TAOK1: variants seen among roughly 807,000 people sequenced by gnomAD.
TAOK1 encodes TAO kinase 1.
TAOK1 carries 21 observed loss-of-function variants against 138.3 expected under a neutral mutation model. The ratio of observed to expected loss-of-function variants is 0.15; its 90% CI spans 0.11 to 0.22. TAOK1 has a LOEUF of 0.22. Ranked by LOEUF, TAOK1 falls within the 10% of genes least tolerant of loss-of-function variation. TAOK1 has a pLI of 1.00. For missense variants in TAOK1, 651 were observed against 1,227.7 expected (o/e 0.53, Z 7.02); for synonymous variants, 361 against 398.4 (o/e 0.91, Z 1.12).
intron 8 of TAOK1, among the ~76,000 whole-genome samples, chr17:29,485,570 T>G (rs1481296481): frequency 1.3e-5 from 2 of 152,172 alleles, no homozygotes; most frequent in Non-Finnish European, 2.9e-5. Context: ...GCCCAGGAGT[T>G]TGAGGCTGCA....
intron 11 of TAOK1, among the ~76,000 whole-genome samples, chr17:29,497,376 A>G (rs1452848826): frequency 6.6e-6 from 1 of 152,196 alleles, no homozygotes; most frequent in East Asian, 1.9e-4. Context: ...CAGATATGTG[A>G]AATACTTTAA....
chr17:29,485,396 G>A (rs1043783682), intron 8 of TAOK1, among the ~76,000 whole-genome samples: 1 of 152,090 alleles, frequency 6.6e-6, no homozygotes. Context: ...TAGCACTTTG[G>A]GAGGCCAAGG....
chr17:29,466,559 A>G (rs1245646276), intron 2 of TAOK1, among the ~76,000 whole-genome samples: 1 of 152,162 alleles, frequency 6.6e-6, no homozygotes, highest in Non-Finnish European at 1.5e-5. Flanking sequence ...CTAACTTTCA[A>G]TTTTGTACTC....
At chr17:29,529,861 CAAA>C (rs35675934) in intron 17 of TAOK1, among the ~76,000 whole-genome samples, 3 of 125,942 alleles carry the variant, frequency 2.4e-5, no homozygotes, top group Non-Finnish European at 5.1e-5. Flanking sequence ...AGCGAGATTC[CAAA>C]AAAAAAAAAA....
intron 1 of TAOK1, among the ~76,000 whole-genome samples, chr17:29,448,657 C>G (rs1175583218): frequency 2.0e-5 from 3 of 152,152 alleles, no homozygotes; most frequent in Middle Eastern, 3.2e-3. Context: ...TGCATTTTCT[C>G]TGTTCTTAAC....
intron 1 of TAOK1, among the ~76,000 whole-genome samples, chr17:29,436,056 G>A (rs972324732): frequency 6.6e-6 from 1 of 152,192 alleles, no homozygotes; most frequent in Non-Finnish European, 1.5e-5. Flanking sequence ...GTTGAACCCG[G>A]GAGGCAGAGG....
At chr17:29,524,559 A>G (rs1187002593) in intron 17 of TAOK1, among the ~76,000 whole-genome samples, 1 of 152,264 alleles carries the variant, frequency 6.6e-6, no homozygotes, top group African/African-American at 2.4e-5. Context: ...ATTTCTGATT[A>G]CAAGTGAGCT....
chr17:29,503,742 A>G (rs1402874307), intron 13 of TAOK1, among the ~76,000 whole-genome samples: 1 of 152,202 alleles, frequency 6.6e-6, no homozygotes, highest in Non-Finnish European at 1.5e-5. Context: ...TGGGAGGCTG[A>G]GGTGGGCGGA....
At chr17:29,438,303 CTGT>C (rs2153023192) in intron 1 of TAOK1, among the ~76,000 whole-genome samples, 1 of 151,320 alleles carries the variant, frequency 6.6e-6, no homozygotes, top group East Asian at 1.9e-4. Flanking sequence ...TTTTCTTTTT[CTGT>C]TGTTTACTAT....
intron 1 of TAOK1, among the ~76,000 whole-genome samples, chr17:29,419,155 C>T (rs535866405): frequency 2.0e-5 from 3 of 151,896 alleles, no homozygotes; most frequent in South Asian, 2.1e-4. Context: ...GCATACAAAT[C>T]GTGCACACAT....
chr17:29,466,325 G>A (rs2030668045), intron 2 of TAOK1, among the ~76,000 whole-genome samples: 1 of 151,964 alleles, frequency 6.6e-6, no homozygotes, highest in Non-Finnish European at 1.5e-5. Flanking sequence ...TATATTTTTA[G>A]TAGAGATAGA....
chr17:29,515,465 C>A (rs942309430), intron 15 of TAOK1, among the ~76,000 whole-genome samples: 3 of 152,142 alleles, frequency 2.0e-5, no homozygotes, highest in Non-Finnish European at 4.4e-5. Context: ...AGAAACGTAG[C>A]TGTGCAGAGA....
chr17:29,539,205 G>T (rs1327873046), intron 19 of TAOK1, among the ~76,000 whole-genome samples: 2 of 152,174 alleles, frequency 1.3e-5, no homozygotes, highest in Non-Finnish European at 2.9e-5. Context: ...AGAGGTTGCA[G>T]TGAGCCAAGA....
intron 2 of TAOK1, among the ~76,000 whole-genome samples, chr17:29,458,175 T>A (rs1038519759): frequency 6.6e-6 from 1 of 152,238 alleles, no homozygotes; most frequent in Non-Finnish European, 1.5e-5. Flanking sequence ...TCCATTCTTT[T>A]GTTGGCAGAA....
intron 16 of TAOK1, among the ~76,000 whole-genome samples, chr17:29,518,606 T>A (rs1047641559): frequency 6.6e-6 from 1 of 152,204 alleles, no homozygotes; most frequent in African/African-American, 2.4e-5. Flanking sequence ...CCTGACTCCC[T>A]CACTACAATG....
chr17:29,495,753 T>C, intron 11 of TAOK1, 26 bp downstream of exon 11: 1 of 1,533,002 alleles, frequency 6.5e-7, no homozygotes, highest in Non-Finnish European at 8.8e-7. Context: ...ATGACTCCAA[T>C]ATTGAATTTT....
intron 13 of TAOK1, among the ~76,000 whole-genome samples, chr17:29,507,138 A>G (rs2031642766): frequency 6.6e-6 from 1 of 152,184 alleles, no homozygotes; most frequent in South Asian, 2.1e-4. Context: ...GGTGATAAAC[A>G]TGCTTTATAA....
chr17:29,541,341 C>T (rs1446456360), intron 19 of TAOK1, among the ~76,000 whole-genome samples: 1 of 149,588 alleles, frequency 6.7e-6, no homozygotes, highest in Non-Finnish European at 1.5e-5. Context: ...AACTTCTGAC[C>T]TCAAGTGATC....
chr17:29,440,577 T>C (rs1298578130), intron 1 of TAOK1, among the ~76,000 whole-genome samples: 1 of 151,858 alleles, frequency 6.6e-6, no homozygotes, highest in Non-Finnish European at 1.5e-5. Context: ...TCAATTACTT[T>C]TTTTTTTTTT....
Sources: gnomAD v4.1 joint callset for allele counts (sites outside exome capture counted in the v4.1 genomes callset) on GRCh38, gnomAD v4.1.1 for gene constraint, MANE v1.5 for transcripts, NCBI Gene and HGNC (gene_info 2026-07-23, HGNC 2026-07-21) for gene names.